TLK1: variants seen among roughly 807,000 people sequenced by gnomAD.
TLK1 encodes the protein serine/threonine-protein kinase tousled-like 1.
A neutral mutation model predicts 105.3 loss-of-function variants in TLK1; 24 were observed. That is an observed-to-expected ratio of 0.23 (90% confidence interval 0.17 to 0.32). TLK1 has a LOEUF of 0.32. Ranked by LOEUF, TLK1 falls within the 10% of genes least tolerant of loss-of-function variation. The pLI, the probability that TLK1 is intolerant of heterozygous loss-of-function variation, is 1.00. For synonymous variants in TLK1, 321 were observed against 310.4 expected, an observed-to-expected ratio of 1.03 and a Z score of -0.36; for missense variants, 558 against 910.5, an observed-to-expected ratio of 0.61 and a Z score of 4.98.
At position 171,006,411 on chromosome 2, in the gene TLK1, TAATG is replaced by T. The variant is rs1458224364; in HGVS notation, c.1768+59_1768+62del. 30 of 1,502,170 alleles carry T rather than the reference TAATG, an allele frequency of 2.0e-5. No homozygotes were observed. In the African/African-American group the frequency reaches 2.7e-4, roughly 13 times the overall value. The allele number at this position is 1,502,170 out of a possible 1,614,324, so 93.1% of individuals were successfully genotyped here. ...CCAAAAAACATGTTTTCAGATAACT[TAATG>T]AATGACTTTTAAAAACTATACTCAA... On this transcript the variant is annotated intron_variant, in intron 17 of 20. Transcript: ENST00000431350.
chr2:171,227,498 A>G (rs1157232707), intron 1 of TLK1, among the ~76,000 whole-genome samples: 1 of 151,204 alleles, frequency 6.6e-6, no homozygotes, highest in East Asian at 1.9e-4. Flanking sequence ...CCTGAGTCCA[A>G]ATAATCTGGG....
chr2:171,059,395 T>C (rs1252205499), intron 4 of TLK1, among the ~76,000 whole-genome samples: 1 of 152,232 alleles, frequency 6.6e-6, no homozygotes, highest in Non-Finnish European at 1.5e-5. Context: ...CTGACTCCTA[T>C]ACAACTTCCA....
At chr2:171,028,316 A>T in intron 12 of TLK1, 23 bp downstream of exon 12, 1 of 1,562,716 alleles carries the variant, frequency 6.4e-7, no homozygotes, top group Non-Finnish European at 8.8e-7. Flanking sequence ...TTGAACTAAA[A>T]ATGCAGCATA....
chr2:171,197,369 G>GAAAATA (rs1409683084), intron 1 of TLK1, among the ~76,000 whole-genome samples: 10 of 152,066 alleles, frequency 6.6e-5, no homozygotes, highest in Non-Finnish European at 1.3e-4. Context: ...AAAAAAACCC[G>GAAAATA]AAAATACCCC....
At chr2:171,212,274 C>A (rs1481467648) in intron 1 of TLK1, among the ~76,000 whole-genome samples, 9 of 146,446 alleles carry the variant, frequency 6.1e-5, no homozygotes, top group African/African-American at 2.3e-4. Context: ...CTGCCCCCAC[C>A]CTCACCCCTT....
chr2:171,087,096 T>C (rs749731288), intron 2 of TLK1, among the ~76,000 whole-genome samples: 2 of 152,186 alleles, frequency 1.3e-5, no homozygotes, highest in Non-Finnish European at 2.9e-5. Context: ...CCAAAGTCAC[T>C]GTAATGTGTC....
At chr2:171,217,017 G>A (rs543999103) in intron 1 of TLK1, among the ~76,000 whole-genome samples, 122 of 152,118 alleles carry the variant, frequency 8.0e-4, no homozygotes, top group African/African-American at 2.7e-3. Context: ...ACTTTTTTAC[G>A]GCAGCCCTAG....
intron 4 of TLK1, among the ~76,000 whole-genome samples, chr2:171,058,466 C>A (rs995575422): frequency 6.6e-6 from 1 of 152,092 alleles, no homozygotes; most frequent in Non-Finnish European, 1.5e-5. Flanking sequence ...AAAGTAGCGA[C>A]TGCATCACTG....
At chr2:171,067,860 G>A (rs976079578) in intron 3 of TLK1, among the ~76,000 whole-genome samples, 3 of 152,070 alleles carry the variant, frequency 2.0e-5, no homozygotes, top group Non-Finnish European at 4.4e-5. Flanking sequence ...TTAAGAGTAA[G>A]AACATATGGT....
At chr2:171,049,693 C>G in intron 10 of TLK1, 121 bp downstream of exon 10, 1 of 1,262,270 alleles carries the variant, frequency 7.9e-7, no homozygotes, top group Non-Finnish European at 1.1e-6. Context: ...TTCAAAGGTA[C>G]TAAATTCTAT....
chr2:171,196,086 A>G (rs1693269527), intron 1 of TLK1, among the ~76,000 whole-genome samples: 1 of 147,292 alleles, frequency 6.8e-6, no homozygotes, highest in African/African-American at 2.5e-5. Context: ...GAAGGAGGAA[A>G]GGAAGGAAGG....
chr2:171,070,755 T>C (rs189703775), intron 3 of TLK1, among the ~76,000 whole-genome samples: 166 of 152,342 alleles, frequency 1.1e-3, no homozygotes, highest in Non-Finnish European at 1.9e-3. Context: ...ATCTCTTTGA[T>C]ATATCAATTT....
At chr2:171,135,327 A>G (rs1296524440) in intron 1 of TLK1, among the ~76,000 whole-genome samples, 3 of 57,786 alleles carry the variant, frequency 5.2e-5, no homozygotes, top group Non-Finnish European at 3.6e-5. Flanking sequence ...GTGTATATAT[A>G]TATATATATA....
chr2:171,214,573 C>A (rs1266894931), intron 1 of TLK1, among the ~76,000 whole-genome samples: 1 of 152,148 alleles, frequency 6.6e-6, no homozygotes, highest in Non-Finnish European at 1.5e-5. Context: ...GCTTGTTAAT[C>A]ATTGGTTGCC....
Position 171,082,790 on chromosome 2 carries a change from T to G in TLK1, c.321A>C (p.Lys107Asn). Reference sequence around the variant, plus strand: ...AAATGAAATTACTTACCTCTGATTCTTTGTCACTTAAAGATCCCAAGCTTC... The same window carrying G: ...AAATGAAATTACTTACCTCTGATTCGTTGTCACTTAAAGATCCCAAGCTTC... ...SFGSLGSLSD[K>N]ESETPEKKQS... is the part of the protein sequence containing the mutation. The change falls in exon 3 of 21, where the codon AAA becomes AAC. Residue 107 changes from lysine (K) to asparagine (N), a missense_variant. Around this residue, in one of 5 missense-constraint regions of TLK1, gnomAD observed 13 missense variants for 39.9 expected, o/e 0.33. Transcript: ENST00000431350. 6.2e-7 allele frequency: 1 copy of G among 1,607,626 alleles called. No homozygotes were observed. The highest frequency in any genetic ancestry group is 8.5e-7 in the Non-Finnish European group (1 of 1,176,750).
chr2:171,202,577 C>A (rs113535463), intron 1 of TLK1, among the ~76,000 whole-genome samples: 1 of 151,774 alleles, frequency 6.6e-6, no homozygotes, highest in Admixed American at 6.6e-5. Context: ...GCCAATACAG[C>A]GAAACCCTGT....
At chr2:171,010,050 C>T (rs1443440291) in intron 14 of TLK1, among the ~76,000 whole-genome samples, 1 of 152,172 alleles carries the variant, frequency 6.6e-6, no homozygotes, top group Admixed American at 6.6e-5. Context: ...AAAAAGTTCA[C>T]TCTAGTTGCA....
upstream of TLK1, chr2:171,160,918 C>T (rs893205590): frequency 2.4e-5 from 6 of 251,324 alleles, no homozygotes; most frequent in African/African-American, 1.4e-4. This position sits in a 1 kb window ranked among gnomAD's most constrained non-coding sequence, Gnocchi z 4.4. Flanking sequence ...GCGGCGGCGT[C>T]ACGCGCCGCC....
At chr2:171,058,073 T>C in intron 5 of TLK1, 78 bp downstream of exon 5, 2 of 1,451,694 alleles carry the variant, frequency 1.4e-6, no homozygotes, top group Non-Finnish European at 9.6e-7. Context: ...GCTGACCTTG[T>C]GCTTCTAAGA....
Sources: allele counts gnomAD v4.1 joint callset (sites outside exome capture counted in the v4.1 genomes callset), GRCh38; gene constraint gnomAD v4.1.1; regional missense constraint gnomAD v4.1.1; non-coding constraint Gnocchi (gnomAD v3.1); transcripts MANE v1.5; gene names NCBI Gene and HGNC (gene_info 2026-07-23, HGNC 2026-07-21).